Variants in TBC1D9 observed in about 807,000 individuals in gnomAD.
TBC1D9 encodes the protein TBC1 domain family member 9.
In TBC1D9, 63 loss-of-function variants were observed where a neutral mutation model predicts 132.0. The ratio of observed to expected loss-of-function variants is 0.48; its 90% CI spans 0.39 to 0.59. TBC1D9 has a LOEUF of 0.59. Ranked by LOEUF, TBC1D9 falls within the 20% of genes least tolerant of loss-of-function variation. TBC1D9 has a pLI of 0.00. For missense variants in TBC1D9, 1,261 were observed against 1,592.7 expected, an observed-to-expected ratio of 0.79 and a Z score of 3.54; for synonymous variants, 610 against 609.9, an observed-to-expected ratio of 1.00 and a Z score of 0.00.
At chr4:140,660,121 G>T (rs926128964) in intron 10 of TBC1D9, among the ~76,000 whole-genome samples, 2 of 152,170 alleles carry the variant, frequency 1.3e-5, no homozygotes, top group African/African-American at 4.8e-5. Context: ...TTTCCGTAAT[G>T]GTTTCTATAA....
intron 13 of TBC1D9, chr4:140,643,399 C>T (rs2110981873): frequency 2.4e-6 from 1 of 412,368 alleles, no homozygotes; most frequent in East Asian, 6.4e-5. Flanking sequence ...TCCATGGCCA[C>T]CTCCATGCCA....
chr4:140,641,074 C>T (rs1423929844), intron 13 of TBC1D9, among the ~76,000 whole-genome samples: 2 of 53,328 alleles, frequency 3.8e-5, no homozygotes, highest in Non-Finnish European at 6.9e-5. Flanking sequence ...TTAAATCTTA[C>T]AATCATAATA....
intron 13 of TBC1D9, among the ~76,000 whole-genome samples, chr4:140,639,844 A>G (rs1023188477): frequency 6.6e-6 from 1 of 152,222 alleles, no homozygotes; most frequent in Non-Finnish European, 1.5e-5. Flanking sequence ...TAGGTTCAAG[A>G]GCATTTGTCC....
intron 2 of TBC1D9, among the ~76,000 whole-genome samples, chr4:140,691,254 A>AT (rs1737874959): frequency 6.6e-6 from 1 of 152,212 alleles, no homozygotes; most frequent in Non-Finnish European, 1.5e-5. Context: ...CCTCTCAGAG[A>AT]TATCAGAACA....
chr4:140,627,978 C>A (rs1021731132), intron 17 of TBC1D9, among the ~76,000 whole-genome samples: 8 of 152,178 alleles, frequency 5.3e-5, no homozygotes, highest in Non-Finnish European at 5.9e-5. Context: ...CCCACTTGTT[C>A]CTGTCAATGT....
chr4:140,719,454 A>T (rs1173448885), intron 1 of TBC1D9, among the ~76,000 whole-genome samples: 2 of 152,152 alleles, frequency 1.3e-5, no homozygotes, highest in East Asian at 3.9e-4. Context: ...TTTTCTACAG[A>T]GAAGGAAGCT....
At position 140,634,133 on chromosome 4, in the gene TBC1D9, T is replaced by C. The variant is rs746699516; in HGVS notation, c.2561A>G (p.His854Arg). The change falls in exon 16 of 21, where the codon CAT (histidine) becomes CGT (arginine). Residue 854 changes from histidine to arginine, a missense_variant. By Grantham distance (29) the His-to-Arg change is conservative. Transcript: ENST00000442267. ...TTCCAGGTAGGGCAGGCTGGGGTCA[T>C]GCCGGTCCAGCGCGTTGCTGCTCCC... ...WGGSSNALDR[H>R]DPSLPYLEQY... The C allele has an allele frequency of 1.2e-6, 2 of 1,613,966 alleles. No homozygotes were observed. Among genetic ancestry groups the C allele is most frequent in the Non-Finnish European group, 1.7e-6 (2 of 1,179,894 alleles).
rs139983986 is a variant in TBC1D9, at chr4:140,733,418, T to A, written c.130+22498A>T. On this transcript the variant is annotated intron_variant, in intron 1 of 20. Coordinates refer to ENST00000442267, the MANE Select transcript of TBC1D9 (RefSeq NM_015130.3). ...AGTCTTTCAAGAGAAATCTGGGAGA[T>A]GTTTTCTACACCCTTCAGGTTTTTC... 1.2e-4 allele frequency among the ~76,000 whole-genome samples: 19 copies of A among 152,324 alleles called. No homozygotes were observed. In the East Asian group the frequency reaches 3.5e-3, roughly 28 times the overall value.
At chr4:140,659,550 G>A (rs776052715) in intron 11 of TBC1D9, 38 bp downstream of exon 11, 41 of 1,413,228 alleles carry the variant, frequency 2.9e-5, no homozygotes, top group Non-Finnish European at 3.6e-5. Context: ...TCTTCTTGAC[G>A]AGACATAGGT....
chr4:140,643,297 G>A (rs1297324424), intron 13 of TBC1D9: 16 of 1,323,614 alleles, frequency 1.2e-5, no homozygotes, highest in Non-Finnish European at 1.7e-5. Flanking sequence ...AGAAAGCTCT[G>A]CTCCAAGACA....
chr4:140,749,775 T>C (rs1738893543), intron 1 of TBC1D9, among the ~76,000 whole-genome samples: 1 of 152,212 alleles, frequency 6.6e-6, no homozygotes, highest in East Asian at 1.9e-4. Context: ...AGTGAAAGTA[T>C]GAAAAAGAGA....
At chr4:140,627,348 T>G (rs770043247) in intron 18 of TBC1D9, 93 bp downstream of exon 18, 2 of 793,106 alleles carry the variant, frequency 2.5e-6, no homozygotes, top group Non-Finnish European at 4.2e-6. Flanking sequence ...ACATACTTCT[T>G]TGATTGACTA....
At position 140,634,309 on chromosome 4, in the gene TBC1D9, C is replaced by T. The variant is rs1736843612; in HGVS notation, c.2506-121G>A. The stretch of plus-strand genomic sequence containing the variant: ...TCTGTGTGCATCCCCTGGGGCAGGG[C>T]TGTGGCCTCAGGGCCCCCTTGGTCT... On this transcript the variant is annotated intron_variant, in intron 15 of 20. Coordinates refer to ENST00000442267, the MANE Select transcript of TBC1D9 (RefSeq NM_015130.3). The T allele has an allele frequency of 2.1e-6, 3 of 1,405,842 alleles. No homozygotes were observed. In the African/African-American group the frequency reaches 4.3e-5, roughly 20 times the overall value. The allele number at this position is 1,405,842 out of a possible 1,614,324, so 87.1% of individuals were successfully genotyped here.
intron 1 of TBC1D9, among the ~76,000 whole-genome samples, chr4:140,750,637 A>G (rs1010474128): frequency 2.6e-5 from 4 of 152,136 alleles, no homozygotes; most frequent in Non-Finnish European, 4.4e-5. Flanking sequence ...AAAAACTTGT[A>G]AAGATCTAAA....
intron 1 of TBC1D9, among the ~76,000 whole-genome samples, chr4:140,731,494 C>T (rs922506008): frequency 6.6e-6 from 1 of 152,000 alleles, no homozygotes; most frequent in Admixed American, 6.6e-5. Context: ...GAGTTCGAGA[C>T]CAGCGTGGCC....
intron 1 of TBC1D9, among the ~76,000 whole-genome samples, chr4:140,730,492 C>T (rs767360642): frequency 5.8e-4 from 88 of 152,198 alleles, no homozygotes; most frequent in Middle Eastern, 3.4e-3. Flanking sequence ...TTTGGGAGGC[C>T]GAGGCAGGCA....
intron 1 of TBC1D9, among the ~76,000 whole-genome samples, chr4:140,708,169 A>T (rs1738176749): frequency 6.6e-6 from 1 of 152,244 alleles, no homozygotes; most frequent in African/African-American, 2.4e-5. Context: ...GAACTAATTC[A>T]TCTTTGTACC....
At chr4:140,684,108 T>G (rs1262837006) in intron 3 of TBC1D9, among the ~76,000 whole-genome samples, 1 of 152,108 alleles carries the variant, frequency 6.6e-6, no homozygotes, top group Non-Finnish European at 1.5e-5. Flanking sequence ...ATATGCATAT[T>G]AGAAGTGGGG....
intron 13 of TBC1D9, chr4:140,643,125 A>T: frequency 7.0e-7 from 1 of 1,419,214 alleles, no homozygotes; most frequent in Non-Finnish European, 9.7e-7. Context: ...AGCGGGTCCC[A>T]CCACGGGCCC....
Sources: allele counts gnomAD v4.1 joint callset (sites outside exome capture counted in the v4.1 genomes callset), GRCh38; gene constraint gnomAD v4.1.1; transcripts MANE v1.5; gene names NCBI Gene and HGNC (gene_info 2026-07-23, HGNC 2026-07-21).